KCNQ1: variants seen among roughly 807,000 people sequenced by gnomAD.
KCNQ1 encodes potassium voltage-gated channel subfamily Q member 1, also known as potassium voltage-gated channel subfamily KQT member 1.
KCNQ1 carries 49 observed loss-of-function variants against 72.4 expected under a neutral mutation model. The observed-to-expected ratio is 0.68, with a 90% confidence interval of 0.54 to 0.86. The LOEUF (loss-of-function observed/expected upper bound fraction) is 0.86, where lower values mean the gene tolerates loss of function less well. Ranked by LOEUF, KCNQ1 falls within the 40% of genes least tolerant of loss-of-function variation. KCNQ1 has a pLI of 0.00. For synonymous variants in KCNQ1, 450 were observed against 412.6 expected (o/e 1.09, Z -1.10); for missense variants, 790 against 945.1 (o/e 0.84, Z 2.15).
intron 15 of KCNQ1, among the ~76,000 whole-genome samples, chr11:2,801,612 T>A (rs948309054): frequency 1.3e-5 from 2 of 152,196 alleles, no homozygotes; most frequent in African/African-American, 4.8e-5. Flanking sequence ...TTAATATTTA[T>A]CACCTCCTAA....
chr11:2,635,935 C>T (rs1270073597), intron 10 of KCNQ1: 2 of 152,118 alleles, frequency 1.3e-5, no homozygotes, highest in South Asian at 2.1e-4. Context: ...ATTTTATTCT[C>T]TTTGAAGCAA....
chr11:2,485,939 T>C (rs1846734009), intron 1 of KCNQ1, among the ~76,000 whole-genome samples: 2 of 152,232 alleles, frequency 1.3e-5, no homozygotes, highest in Admixed American at 6.5e-5. Context: ...TATCCATTCA[T>C]CTTTTGATGA....
In KCNQ1 at chr11:2,571,367, G is replaced by A; in HGVS notation, c.647G>A (p.Gly216Asp). The part of the protein sequence containing the change: ...VVASMVVLCV[G>D]SKGQVFATSA... ...GCCTCCATGGTGGTCCTCTGCGTGG[G>A]CTCCAAGGGGCAGGTGTTTGCCACG... Residue 216 changes from glycine to aspartate, a missense_variant, in exon 4 of 16, where the codon GGC becomes GAC. By Grantham distance (94) the Gly-to-Asp change is moderately conservative (BLOSUM62 -1). Around this residue, in one of 5 missense-constraint regions of KCNQ1, gnomAD observed 294 missense variants for 323.3 expected, o/e 0.91. Transcript: ENST00000155840. The A allele has an allele frequency of 6.2e-7, 1 of 1,612,930 alleles. No homozygotes were observed. Among genetic ancestry groups the A allele is most frequent in the Non-Finnish European group, 8.5e-7 (1 of 1,179,946 alleles).
rs1850999446 is a variant in KCNQ1 at position 2,711,247 on chromosome 11, G to A, written c.1514+49166G>A. ...ACTGGCAGCCATACTTCCTCCCCAT[G>A]TACTGGGTTCTGCCCATCCTCCAGC... On this transcript the variant is annotated intron_variant, in intron 11 of 15. Coordinates refer to ENST00000155840, the MANE Select transcript of KCNQ1 (RefSeq NM_000218.3). The surrounding 1 kb of genome is among the most constrained non-coding windows in gnomAD (Gnocchi z 5.4). 6.6e-6 allele frequency among the ~76,000 whole-genome samples: 1 copy of A among 152,180 alleles called. No individual in the cohort carries two copies. Among genetic ancestry groups the A allele is most frequent in the Non-Finnish European group, 1.5e-5 (1 of 68,036 alleles).
chr11:2,664,171 G>A lies in KCNQ1; in HGVS notation c.1514+2090G>A. 3 of 398,762 alleles carry A rather than the reference G, an allele frequency of 7.5e-6. No homozygotes were observed. The highest frequency in any genetic ancestry group is 4.4e-6 in the Non-Finnish European group (1 of 226,192). The allele number at this position is 398,762 out of a possible 1,614,324, so 24.7% of individuals were successfully genotyped here. A position where few individuals can be genotyped will look rare whatever the true frequency, so the allele number is the denominator to read the frequency against. On this transcript the variant is annotated intron_variant, in intron 11 of 15. Transcript: ENST00000155840. This position sits in a 1 kb window ranked among gnomAD's most constrained non-coding sequence, Gnocchi z 5.1. Reference sequence around the variant, plus strand: ...AGAGCAGGCTGTTCCAAAAGTGGCTGCTAGATATGAGCCAGCCTGGGAAGG... The same window carrying A: ...AGAGCAGGCTGTTCCAAAAGTGGCTACTAGATATGAGCCAGCCTGGGAAGG...
At chr11:2,640,572 T>A in intron 10 of KCNQ1, 1 of 398,342 alleles carries the variant, frequency 2.5e-6, no homozygotes. Flanking sequence ...CTTTTTTTTT[T>A]TTTTTTGACC....
Position 2,612,665 on chromosome 11 carries a change from T to C in KCNQ1, c.1393+23811T>C. The C allele has an allele frequency of 2.5e-6, 1 of 398,584 alleles. No homozygotes were observed. The highest frequency in any genetic ancestry group is 4.4e-5 in the Admixed American group (1 of 22,734). The allele number at this position is 398,584 out of a possible 1,614,324, so 24.7% of individuals were successfully genotyped here. A position where few individuals can be genotyped will look rare whatever the true frequency, so the allele number is the denominator to read the frequency against. ...ATCACACTTGCATTCTTTAATGTGGTTTCTTTTGGTTCTTTGAACATAGTT... is the reference window on the plus strand; with the variant it reads ...ATCACACTTGCATTCTTTAATGTGGCTTCTTTTGGTTCTTTGAACATAGTT... On this transcript the variant is annotated intron_variant, in intron 10 of 15. Transcript: ENST00000155840. This position sits in a 1 kb window ranked among gnomAD's most constrained non-coding sequence, Gnocchi z 5.5.
chr11:2,608,231 C>T lies in KCNQ1; in HGVS notation c.1393+19377C>T. 1 of 395,980 alleles carries T rather than the reference C, an allele frequency of 2.5e-6. No homozygotes were observed. The highest frequency in any genetic ancestry group is 4.4e-6 in the Non-Finnish European group (1 of 224,954). The allele number at this position is 395,980 out of a possible 1,614,324, so 24.5% of individuals were successfully genotyped here. Reference sequence around the variant, plus strand: ...TTAGATATTTGTTAGATTCACTCATCTGGCCCTCTTGGGCTTTTCTTTTCA... The same window carrying T: ...TTAGATATTTGTTAGATTCACTCATTTGGCCCTCTTGGGCTTTTCTTTTCA... On this transcript the variant is annotated intron_variant, in intron 10 of 15. Coordinates refer to ENST00000155840, the MANE Select transcript of KCNQ1 (RefSeq NM_000218.3). The surrounding 1 kb of genome is among the most constrained non-coding windows in gnomAD (Gnocchi z 4.6).
intron 11 of KCNQ1, among the ~76,000 whole-genome samples, chr11:2,705,702 C>T (rs9651642): frequency 0.014 from 2,163 of 152,342 alleles, 52 homozygotes; most frequent in African/African-American, 0.049. Context: ...GAGGACATTG[C>T]CACAGCCAGG....
In KCNQ1 at chr11:2,473,728, G is replaced by A. The variant is rs1169940974; in HGVS notation, c.386+28244G>A. On this transcript the variant is annotated intron_variant, in intron 1 of 15. Transcript: ENST00000155840. This position sits in a 1 kb window ranked among gnomAD's most constrained non-coding sequence, Gnocchi z 6.0. Reference sequence around the variant, plus strand: ...ATTGAGAGCCAGGGCAGGTCCTGGAGATGGCAGCCTGCAGGTTGAAGCCCC... The same window carrying A: ...ATTGAGAGCCAGGGCAGGTCCTGGAAATGGCAGCCTGCAGGTTGAAGCCCC... Among the ~76,000 whole-genome samples the A allele has an allele frequency of 6.6e-6, 1 of 152,236 alleles. No homozygotes were observed. Among genetic ancestry groups the A allele is most frequent in the Non-Finnish European group, 1.5e-5 (1 of 68,038 alleles).
chr11:2,784,476 T>G lies in KCNQ1; in HGVS notation c.1794+6439T>G, dbSNP rs994589809. Among the ~76,000 whole-genome samples the G allele has an allele frequency of 1.3e-5, 2 of 152,010 alleles. No individual in the cohort carries two copies. The highest frequency in any genetic ancestry group is 2.9e-5 in the Non-Finnish European group (2 of 67,850). On this transcript the variant is annotated intron_variant, in intron 15 of 15. Coordinates refer to ENST00000155840, the MANE Select transcript of KCNQ1 (RefSeq NM_000218.3). The surrounding 1 kb of genome is among the most constrained non-coding windows in gnomAD (Gnocchi z 4.7). ...TTAAATTATGTAAGTTTTCTAATTTTGTTCATCTTTTTACAAATTGTTTCT... is the reference window on the plus strand; with the variant it reads ...TTAAATTATGTAAGTTTTCTAATTTGGTTCATCTTTTTACAAATTGTTTCT...
Position 2,698,742 on chromosome 11 carries a change from C to A in KCNQ1, c.1514+36661C>A. 1 of 398,864 alleles carries A rather than the reference C, an allele frequency of 2.5e-6. No individual in the cohort carries two copies. The highest frequency in any genetic ancestry group is 1.3e-4 in the South Asian group (1 of 7,848). The allele number at this position is 398,864 out of a possible 1,614,324, so 24.7% of individuals were successfully genotyped here. The stretch of plus-strand genomic sequence containing the variant: ...TCGCCAACTCGGACCTCCCTTGGAT[C>A]TCAACTCAGAGCCATGATGCAGACT... On this transcript the variant is annotated intron_variant, in intron 11 of 15. Coordinates refer to ENST00000155840, the MANE Select transcript of KCNQ1 (RefSeq NM_000218.3). The surrounding 1 kb of genome is among the most constrained non-coding windows in gnomAD (Gnocchi z 5.1).
chr11:2,841,049 G>A (rs1489078844), intron 15 of KCNQ1, among the ~76,000 whole-genome samples: 2 of 152,372 alleles, frequency 1.3e-5, no homozygotes, highest in African/African-American at 4.8e-5. Context: ...CCTCCAGCTG[G>A]TGGCAAAACA....
chr11:2,793,389 A>AC (rs1847070393), intron 15 of KCNQ1, among the ~76,000 whole-genome samples: 1 of 109,518 alleles, frequency 9.1e-6, no homozygotes, highest in Non-Finnish European at 1.9e-5. Context: ...GGAGGCCAAG[A>AC]CGGGGGGATG....
chr11:2,710,264 T>C lies in KCNQ1; in HGVS notation c.1514+48183T>C, dbSNP rs1228388561. 6.6e-6 allele frequency among the ~76,000 whole-genome samples: 1 copy of C among 152,258 alleles called. No individual in the cohort carries two copies. Among genetic ancestry groups the C allele is most frequent in the Non-Finnish European group, 1.5e-5 (1 of 68,044 alleles). On this transcript the variant is annotated intron_variant, in intron 11 of 15. Transcript: ENST00000155840. The surrounding 1 kb of genome is among the most constrained non-coding windows in gnomAD (Gnocchi z 4.1). Reference sequence around the variant, plus strand: ...ATGATGTTGAGCATCTTATTAGCCATTTGTATCTCTTCTTTGAAGAAGTAT... The same window carrying C: ...ATGATGTTGAGCATCTTATTAGCCACTTGTATCTCTTCTTTGAAGAAGTAT...
chr11:2,593,082 G>T lies in KCNQ1; in HGVS notation c.1393+4228G>T, dbSNP rs1848691058. ...TGTCCAGTCCCCTCCTCATAGGGGA[G>T]TGGCCCTTTGTCTTTCACCACTGAC... On this transcript the variant is annotated intron_variant, in intron 10 of 15. Transcript: ENST00000155840. The surrounding 1 kb of genome is among the most constrained non-coding windows in gnomAD (Gnocchi z 6.9). 6.6e-6 allele frequency among the ~76,000 whole-genome samples: 1 copy of T among 152,184 alleles called. No homozygotes were observed. Among genetic ancestry groups the T allele is most frequent in the Admixed American group, 6.5e-5 (1 of 15,282 alleles).
rs543730859 is a variant in KCNQ1 at position 2,698,514 on chromosome 11, T to A, written c.1514+36433T>A. On this transcript the variant is annotated intron_variant, in intron 11 of 15. Coordinates refer to ENST00000155840, the MANE Select transcript of KCNQ1 (RefSeq NM_000218.3). The surrounding 1 kb of genome is among the most constrained non-coding windows in gnomAD (Gnocchi z 5.1). ...CTACCACTACCTCTCACCTGGCAGG[T>A]GATCACCACCCCCAACTCAGACTGC... 2.5e-6 allele frequency: 1 copy of A among 398,496 alleles called. No individual in the cohort carries two copies. 24.7% of individuals were successfully genotyped at this position (398,496 alleles called of 1,614,324 possible).
In KCNQ1 at chr11:2,549,017, C is replaced by T. The variant is rs561276418; in HGVS notation, c.477+20999C>T. ...ATGTTTGGTGACAGGTGCTGGGGCCCGGACACGACCTGGTTTCTTCATCCC... is the reference window on the plus strand; with the variant it reads ...ATGTTTGGTGACAGGTGCTGGGGCCTGGACACGACCTGGTTTCTTCATCCC... On this transcript the variant is annotated intron_variant, in intron 2 of 15. Coordinates refer to ENST00000155840, the MANE Select transcript of KCNQ1 (RefSeq NM_000218.3). The surrounding 1 kb of genome is among the most constrained non-coding windows in gnomAD (Gnocchi z 6.2). Among the ~76,000 whole-genome samples the T allele has an allele frequency of 2.3e-4, 35 of 152,216 alleles. No individual in the cohort carries two copies. Among genetic ancestry groups the T allele is most frequent in the African/African-American group, 7.0e-4 (29 of 41,528 alleles).
Position 2,812,682 on chromosome 11 carries a change from C to G in KCNQ1, c.1794+34645C>G, listed in dbSNP as rs925130152. Among the ~76,000 whole-genome samples, 12 of 152,312 alleles carry G rather than the reference C, an allele frequency of 7.9e-5. No individual in the cohort carries two copies. In the South Asian group the frequency reaches 2.1e-3, roughly 26 times the overall value. On this transcript the variant is annotated intron_variant, in intron 15 of 15. Transcript: ENST00000155840. ...AAACCAGACCACAGCACTGCCTGCT[C>G]AAGCCCCCCATGGCCTCCCTCTTCC...
Sources: allele counts gnomAD v4.1 joint callset (sites outside exome capture counted in the v4.1 genomes callset), GRCh38; gene constraint gnomAD v4.1.1; regional missense constraint gnomAD v4.1.1; non-coding constraint Gnocchi (gnomAD v3.1); transcripts MANE v1.5; gene names NCBI Gene and HGNC (gene_info 2026-07-23, HGNC 2026-07-21).